FCF1: variants seen among roughly 807,000 people sequenced by gnomAD.
FCF1 encodes rRNA-processing protein FCF1 homolog.
Under a neutral mutation model 32.5 loss-of-function variants are expected in FCF1, and 17 were observed. That is an observed-to-expected ratio of 0.52 (90% CI 0.36 to 0.78). The LOEUF is 0.78. FCF1 is among the 30% of genes least tolerant of loss of function. The probability of loss-of-function intolerance (pLI) is 0.00; values close to 1 mark genes in which losing one functional copy is unlikely to be tolerated. For missense variants in FCF1, 201 were observed against 241.1 expected, an observed-to-expected ratio of 0.83 and a Z score of 1.10; for synonymous variants, 84 against 78.4, an observed-to-expected ratio of 1.07 and a Z score of -0.38.
chr14:74,718,491 T>TA (rs1566715493), intron 4 of FCF1, among the ~76,000 whole-genome samples: 9 of 151,496 alleles, frequency 5.9e-5, no homozygotes, highest in African/African-American at 2.2e-4. Context: ...ATATATATAT[T>TA]GAGACAAAGT....
intron 1 of FCF1, 38 bp from the exon 2 acceptor site, chr14:74,713,447 G>A: frequency 1.1e-5 from 18 of 1,602,128 alleles, no homozygotes; most frequent in Non-Finnish European, 1.5e-5. Flanking sequence ...GATGCCGTGT[G>A]TTTCCAACTT....
At chr14:74,718,251 T>A (rs905855924) in intron 4 of FCF1, among the ~76,000 whole-genome samples, 4 of 152,176 alleles carry the variant, frequency 2.6e-5, no homozygotes, top group Admixed American at 1.3e-4. Context: ...TCCTGGTCTC[T>A]TCTATTTCCA....
At chr14:74,729,768 C>G (rs1393472864) in intron 5 of FCF1, among the ~76,000 whole-genome samples, 1 of 151,808 alleles carries the variant, frequency 6.6e-6, no homozygotes, top group African/African-American at 2.4e-5. Flanking sequence ...CTACACACTG[C>G]TTTGAATGCG....
At chr14:74,717,165 G>A (rs2090431882) in intron 4 of FCF1, among the ~76,000 whole-genome samples, 1 of 145,292 alleles carries the variant, frequency 6.9e-6, no homozygotes, top group African/African-American at 2.6e-5. Context: ...AGACCATTCT[G>A]GCCAACAAGG....
chr14:74,737,074 A>G lies in FCF1; in HGVS notation c.*2144A>G, dbSNP rs542581644. On this transcript the variant is annotated 3_prime_UTR_variant, in exon 8 of 8. Transcript: ENST00000341162. ...GATGAAGCATAGGAAACAGTACACC[A>G]TAGAAAATCCATTAACCTATGTATA... 2 of 152,342 alleles carry G rather than the reference A, an allele frequency of 1.3e-5. No individual in the cohort carries two copies. Among genetic ancestry groups the G allele is most frequent in the South Asian group, 4.1e-4 (2 of 4,824 alleles). 9.4% of individuals were successfully genotyped at this position (152,342 alleles called of 1,614,324 possible).
chr14:74,723,366 T>A, intron 5 of FCF1, 22 bp downstream of exon 5: 1 of 1,549,766 alleles, frequency 6.5e-7, no homozygotes, highest in Non-Finnish European at 8.9e-7. Flanking sequence ...GTAAACTAGA[T>A]CTGTTCTAGA....
At chr14:74,715,501 G>T (rs1055202097) in intron 3 of FCF1, among the ~76,000 whole-genome samples, 2 of 152,092 alleles carry the variant, frequency 1.3e-5, no homozygotes, top group African/African-American at 4.8e-5. Flanking sequence ...GACAACTTGG[G>T]CTAGATGTGA....
chr14:74,724,797 C>T (rs939987902), intron 5 of FCF1, among the ~76,000 whole-genome samples: 3 of 151,682 alleles, frequency 2.0e-5, no homozygotes, highest in Non-Finnish European at 4.4e-5. Flanking sequence ...CTCAGCTATT[C>T]GGGAGGCTGA....
chr14:74,723,732 G>T (rs1265094871), intron 5 of FCF1, among the ~76,000 whole-genome samples: 2 of 151,330 alleles, frequency 1.3e-5, no homozygotes, highest in African/African-American at 2.4e-5. Flanking sequence ...GGAGGCTTAA[G>T]CAGGAGAATC....
At chr14:74,727,025 G>A (rs1310242501) in intron 5 of FCF1, among the ~76,000 whole-genome samples, 5 of 151,890 alleles carry the variant, frequency 3.3e-5, no homozygotes, top group African/African-American at 1.2e-4. Flanking sequence ...ATTTGGGTTG[G>A]TTCCAAGTCT....
At chr14:74,717,395 T>C (rs2090435877) in intron 4 of FCF1, among the ~76,000 whole-genome samples, 1 of 151,596 alleles carries the variant, frequency 6.6e-6, no homozygotes, top group African/African-American at 2.4e-5. Flanking sequence ...CTGCATACGT[T>C]TATTAAGATG....
intron 5 of FCF1, among the ~76,000 whole-genome samples, chr14:74,727,627 CA>C (rs1210074423): frequency 1.3e-5 from 2 of 151,768 alleles, no homozygotes; most frequent in East Asian, 3.9e-4. Flanking sequence ...TCCCATTTGT[CA>C]ATTTTGGCTT....
chr14:74,734,770 G>T, intron 7 of FCF1, 112 bp from the exon 8 acceptor site: 5 of 814,958 alleles, frequency 6.1e-6, no homozygotes, highest in South Asian at 3.1e-5. Context: ...TGTTTCCACT[G>T]ACAAAAAGGA....
chr14:74,723,425 A>G lies in FCF1; in HGVS notation c.365+81A>G. On this transcript the variant is annotated intron_variant, in intron 5 of 7. Transcript: ENST00000341162. The stretch of plus-strand genomic sequence containing the variant: ...TTTGTTGTTTAAAGATTTCTTGGCC[A>G]GTTAGTTGTGAAAATCATACAAAAC... 2.9e-6 allele frequency: 3 copies of G among 1,052,516 alleles called. No homozygotes were observed. In the East Asian group the frequency reaches 7.7e-5, roughly 27 times the overall value. 65.2% of individuals were successfully genotyped at this position (1,052,516 alleles called of 1,614,324 possible). A position where few individuals can be genotyped will look rare whatever the true frequency, so the allele number is the denominator to read the frequency against.
intron 2 of FCF1, chr14:74,713,754 T>G (rs1416749788): frequency 1.7e-6 from 1 of 603,410 alleles, no homozygotes; most frequent in Non-Finnish European, 2.9e-6. Context: ...AAACATTTCT[T>G]AAGTGTTCAC....
intron 5 of FCF1, among the ~76,000 whole-genome samples, chr14:74,727,358 T>G (rs1341687384): frequency 6.6e-6 from 1 of 152,030 alleles, no homozygotes; most frequent in African/African-American, 2.4e-5. Flanking sequence ...TGATGGCCAG[T>G]GATGGTGAGC....
At chr14:74,732,980 A>G (rs539533601) in intron 6 of FCF1, among the ~76,000 whole-genome samples, 162 bp downstream of exon 6, 1 of 152,314 alleles carries the variant, frequency 6.6e-6, no homozygotes, top group African/African-American at 2.4e-5. Context: ...AGGTGTCTTC[A>G]TTTACTTGAG....
intron 5 of FCF1, 50 bp downstream of exon 5, chr14:74,723,394 C>A: frequency 7.8e-7 from 1 of 1,287,046 alleles, no homozygotes; most frequent in South Asian, 1.3e-5. Context: ...ACTGAAGATT[C>A]ATCTGTTTGT....
At chr14:74,723,439 A>C (rs2090533044) in intron 5 of FCF1, 95 bp downstream of exon 5, 1 of 898,102 alleles carries the variant, frequency 1.1e-6, no homozygotes, top group African/African-American at 1.7e-5. Flanking sequence ...AGTTGTGAAA[A>C]TCATACAAAA....
Sources: allele counts gnomAD v4.1 joint callset (sites outside exome capture counted in the v4.1 genomes callset), GRCh38; gene constraint gnomAD v4.1.1; transcripts MANE v1.5; gene names NCBI Gene and HGNC (gene_info 2026-07-23, HGNC 2026-07-21).